The following CYFIP2 variants were observed in gnomAD, a reference collection of about 807,000 sequenced individuals.
CYFIP2 encodes the protein cytoplasmic FMR1-interacting protein 2.
In CYFIP2, 29 loss-of-function variants were observed where a neutral mutation model predicts 158.7. The ratio of observed to expected loss-of-function variants is 0.18; its 90% CI spans 0.14 to 0.25. The LOEUF (loss-of-function observed/expected upper bound fraction) is 0.25. Ranked by LOEUF, CYFIP2 falls within the 10% of genes least tolerant of loss-of-function variation. CYFIP2 has a pLI of 1.00. For synonymous variants in CYFIP2, 585 were observed against 617.6 expected, an observed-to-expected ratio of 0.95 and a Z score of 0.78; for missense variants, 852 against 1,639.5, an observed-to-expected ratio of 0.52 and a Z score of 8.29.
chr5:157,355,105 A>C (rs532849357), intron 23 of CYFIP2, among the ~76,000 whole-genome samples: 2 of 152,096 alleles, frequency 1.3e-5, no homozygotes, highest in African/African-American at 4.8e-5. Context: ...ACCCAGTACA[A>C]TCTGTTACTG....
intron 6 of CYFIP2, among the ~76,000 whole-genome samples, chr5:157,301,324 C>T (rs926702522): frequency 6.6e-6 from 1 of 152,184 alleles, no homozygotes; most frequent in African/African-American, 2.4e-5. Flanking sequence ...TGCACACAGG[C>T]ATTCAGATGA....
At chr5:157,322,899 T>A in intron 15 of CYFIP2, 1 of 1,478,806 alleles carries the variant, frequency 6.8e-7, no homozygotes, top group Non-Finnish European at 9.1e-7. Context: ...CTGTCTCTCC[T>A]GCCCTCCCAT....
chr5:157,329,164 C>T lies in CYFIP2; in HGVS notation c.2156+1115C>T, dbSNP rs146834146. Reference sequence around the variant, plus strand: ...ACAGGATGTGCATTAAATAACGCGACTCTTAAATGCTGTAAAGTATTGAAA... The same window carrying T: ...ACAGGATGTGCATTAAATAACGCGATTCTTAAATGCTGTAAAGTATTGAAA... On this transcript the variant is annotated intron_variant, in intron 19 of 30. Transcript: ENST00000620254. Among the ~76,000 whole-genome samples the T allele has an allele frequency of 9.1e-4, 138 of 152,328 alleles. 1 individual carries two copies. Among genetic ancestry groups the T allele is most frequent in the East Asian group, 6.4e-3 (33 of 5,194 alleles).
intron 19 of CYFIP2, among the ~76,000 whole-genome samples, chr5:157,329,417 T>G (rs954582443): frequency 6.6e-6 from 1 of 152,224 alleles, no homozygotes; most frequent in Non-Finnish European, 1.5e-5. Context: ...ATCTACACCC[T>G]TCCCTGTAAG....
chr5:157,347,305 G>GAAAA (rs11447275), intron 23 of CYFIP2, among the ~76,000 whole-genome samples: 15 of 134,178 alleles, frequency 1.1e-4, no homozygotes, highest in African/African-American at 2.4e-4. Flanking sequence ...TTTTCCCTTG[G>GAAAA]AAAAAAAAAA....
At chr5:157,359,967 T>C (rs1357610047) in intron 24 of CYFIP2, among the ~76,000 whole-genome samples, 1 of 152,232 alleles carries the variant, frequency 6.6e-6, no homozygotes, top group Admixed American at 6.5e-5. Flanking sequence ...TGAAATTAAA[T>C]AGCATGTTTC....
intron 2 of CYFIP2, among the ~76,000 whole-genome samples, chr5:157,285,973 G>C (rs1284049201): frequency 2.0e-5 from 3 of 152,224 alleles, no homozygotes; most frequent in African/African-American, 7.2e-5. Flanking sequence ...TGACCTATCA[G>C]GGCCGGGAGT....
chr5:157,288,008 G>T (rs1195262063), intron 3 of CYFIP2, among the ~76,000 whole-genome samples: 1 of 151,990 alleles, frequency 6.6e-6, no homozygotes, highest in Admixed American at 6.6e-5. Flanking sequence ...TGGGAGGATT[G>T]CTTGAGCCCA....
At chr5:157,354,682 A>G (rs1763296187) in intron 23 of CYFIP2, among the ~76,000 whole-genome samples, 1 of 151,972 alleles carries the variant, frequency 6.6e-6, no homozygotes, top group African/African-American at 2.4e-5. Flanking sequence ...ACTGAAGCCT[A>G]AACTCCCAGT....
intron 23 of CYFIP2, among the ~76,000 whole-genome samples, chr5:157,352,087 A>C (rs1763109926): frequency 6.6e-6 from 1 of 152,228 alleles, no homozygotes; most frequent in East Asian, 1.9e-4. Context: ...TCTCTAAATA[A>C]AGTAAATTAT....
chr5:157,331,290 T>C (rs937028717), intron 20 of CYFIP2, among the ~76,000 whole-genome samples: 1 of 151,372 alleles, frequency 6.6e-6, no homozygotes, highest in African/African-American at 2.4e-5. Flanking sequence ...CAGAGTTGGT[T>C]TCTATTAACA....
At chr5:157,333,577 A>G (rs1761641035) in intron 21 of CYFIP2, 131 bp downstream of exon 21, 2 of 1,307,994 alleles carry the variant, frequency 1.5e-6, no homozygotes, top group Non-Finnish European at 2.1e-6. Context: ...ATCTGAATGG[A>G]GCTGGGAAAG....
intron 26 of CYFIP2, among the ~76,000 whole-genome samples, chr5:157,380,742 T>G (rs56324344): frequency 0.1 from 15,401 of 152,282 alleles, 905 homozygotes; most frequent in African/African-American, 0.15. Flanking sequence ...CAAGGCTGAC[T>G]CATCATTCAA....
At position 157,392,901 on chromosome 5, in the gene CYFIP2, G is replaced by A; in HGVS notation, c.3663G>A (p.Leu1221=). ...QILNNEVFAI[L]NKYMKSVETD... Reference sequence around the variant, plus strand: ...TGAACAATGAGGTTTTTGCCATCCTGAACAAATACATGAAGTCCGTGGAGA... The same window carrying A: ...TGAACAATGAGGTTTTTGCCATCCTAAACAAATACATGAAGTCCGTGGAGA... The change falls in exon 31 of 31, where the codon CTG becomes CTA. Residue 1221 remains leucine (L), a synonymous_variant. Transcript: ENST00000620254. The A allele has an allele frequency of 1.9e-6, 3 of 1,613,996 alleles. No individual in the cohort carries two copies. Among genetic ancestry groups the A allele is most frequent in the Non-Finnish European group, 2.5e-6 (3 of 1,179,894 alleles).
intron 1 of CYFIP2, among the ~76,000 whole-genome samples, chr5:157,282,905 C>A (rs1205514459): frequency 6.6e-6 from 1 of 152,232 alleles, no homozygotes; most frequent in Non-Finnish European, 1.5e-5. Flanking sequence ...CTGGTTGGAA[C>A]CCAGGCATTG....
chr5:157,329,946 A>G (rs1761311375), intron 19 of CYFIP2, among the ~76,000 whole-genome samples: 1 of 152,230 alleles, frequency 6.6e-6, no homozygotes, highest in South Asian at 2.1e-4. Context: ...GTCTCATGTT[A>G]TAAATTCATT....
chr5:157,332,348 C>T (rs1373201533), intron 20 of CYFIP2, among the ~76,000 whole-genome samples: 2 of 152,216 alleles, frequency 1.3e-5, no homozygotes. Flanking sequence ...TATTTTCTCT[C>T]TAGCACTTAT....
In CYFIP2 at chr5:157,389,233, G is replaced by A. The variant is rs1005885216; in HGVS notation, c.3252G>A (p.Arg1084=). ...AREGDLLTKE[R]LCCGLSMFEV... ...AGGGTGACCTCCTGACCAAGGAGCG[G>A]CTGTGCTGTGGCCTGTCCATGTTCG... Residue 1084 remains arginine, a synonymous_variant, in exon 29 of 31, where the codon CGG becomes CGA. Transcript: ENST00000620254. The A allele has an allele frequency of 3.7e-6, 6 of 1,613,778 alleles. No homozygotes were observed. Among genetic ancestry groups the A allele is most frequent in the South Asian group, 1.1e-5 (1 of 91,076 alleles).
intron 28 of CYFIP2, among the ~76,000 whole-genome samples, chr5:157,387,914 AAG>A (rs1766857515): frequency 6.6e-6 from 1 of 152,146 alleles, no homozygotes; most frequent in East Asian, 1.9e-4. Flanking sequence ...CCACATTTAT[AAG>A]AGACTCCTGC....
Sources: allele counts gnomAD v4.1 joint callset (sites outside exome capture counted in the v4.1 genomes callset), GRCh38; gene constraint gnomAD v4.1.1; transcripts MANE v1.5; gene names NCBI Gene and HGNC (gene_info 2026-07-23, HGNC 2026-07-21).